IKBKB-DT: variants seen among roughly 807,000 people sequenced by gnomAD.
IKBKB-DT encodes IKBKB divergent transcript, also known as IKBKB antisense RNA.
chr8:42,238,492 G>A (rs147222461), intron 3 of IKBKB-DT, among the ~76,000 whole-genome samples: 17 of 152,218 alleles, frequency 1.1e-4, no homozygotes, highest in Non-Finnish European at 2.2e-4. Context: ...CACAAGATGA[G>A]GATGATGGGA....
intron 3 of IKBKB-DT, among the ~76,000 whole-genome samples, chr8:42,256,099 T>C (rs1032115081): frequency 6.6e-6 from 1 of 151,504 alleles, no homozygotes; most frequent in Non-Finnish European, 1.5e-5. Context: ...GAATAGCCAG[T>C]AAGAGTTTCT....
chr8:42,235,205 C>CTTTTTTTTTTTTT (rs746414963), intron 3 of IKBKB-DT, among the ~76,000 whole-genome samples: 3 of 99,412 alleles, frequency 3.0e-5, no homozygotes, highest in African/African-American at 8.0e-5. Flanking sequence ...CTTTTATTTT[C>CTTTTTTTTTTTTT]TTTTTTTTTT....
At chr8:42,248,883 A>AAC (rs1222906053) in intron 3 of IKBKB-DT, among the ~76,000 whole-genome samples, 1 of 152,024 alleles carries the variant, frequency 6.6e-6, no homozygotes, top group African/African-American at 2.4e-5. Context: ...AAAAAAAAAA[A>AAC]AAACAAATAT....
At chr8:42,245,004 C>T (rs1310326072) in intron 3 of IKBKB-DT, among the ~76,000 whole-genome samples, 1 of 151,926 alleles carries the variant, frequency 6.6e-6, no homozygotes, top group Non-Finnish European at 1.5e-5. Flanking sequence ...AATCCCAGCA[C>T]TTTGGGAGGC....
chr8:42,259,925 T>G (rs1279665991), intron 3 of IKBKB-DT, among the ~76,000 whole-genome samples: 2 of 143,606 alleles, frequency 1.4e-5, no homozygotes, highest in Non-Finnish European at 3.0e-5. Context: ...GAGGTTGCAG[T>G]GAGCTGAGAT....
chr8:42,250,208 A>G (rs1159269374), intron 3 of IKBKB-DT, among the ~76,000 whole-genome samples: 5 of 151,938 alleles, frequency 3.3e-5, no homozygotes, highest in Admixed American at 1.3e-4. Context: ...GTTGGTTGGT[A>G]ATGCAATCAC....
chr8:42,271,160 C>T (rs1585477858), exon 1 of IKBKB-DT: 1 of 586,062 alleles, frequency 1.7e-6, no homozygotes, highest in East Asian at 3.0e-5. Flanking sequence ...CCTCAGTTGT[C>T]TAGAGACCAC....
At chr8:42,268,460 G>C (rs1394755058) in intron 1 of IKBKB-DT, among the ~76,000 whole-genome samples, 1 of 151,754 alleles carries the variant, frequency 6.6e-6, no homozygotes, top group Non-Finnish European at 1.5e-5. Context: ...TAGTAGAGAC[G>C]GGGTTTCACT....
At chr8:42,263,922 C>T (rs960653786) in intron 2 of IKBKB-DT, among the ~76,000 whole-genome samples, 1 of 152,154 alleles carries the variant, frequency 6.6e-6, no homozygotes, top group Non-Finnish European at 1.5e-5. Flanking sequence ...AGCAATTCTC[C>T]TGCCTCAGCC....
intron 1 of IKBKB-DT, among the ~76,000 whole-genome samples, chr8:42,270,112 C>T (rs536099058): frequency 1.3e-5 from 2 of 152,056 alleles, no homozygotes; most frequent in African/African-American, 4.8e-5. Flanking sequence ...TAACATGCTA[C>T]TTTTAGCCAC....
At chr8:42,243,287 G>A (rs992334032) in intron 3 of IKBKB-DT, among the ~76,000 whole-genome samples, 1 of 152,202 alleles carries the variant, frequency 6.6e-6, no homozygotes, top group East Asian at 1.9e-4. Context: ...TTCTGCTCTG[G>A]AGCATCTAAG....
chr8:42,234,421 T>A (rs1806892129), intron 3 of IKBKB-DT, among the ~76,000 whole-genome samples: 1 of 152,218 alleles, frequency 6.6e-6, no homozygotes, highest in East Asian at 1.9e-4. Flanking sequence ...GAGTTCATTA[T>A]AATGTAATTG....
rs113469700 is a variant in IKBKB-DT, at chr8:42,239,614, TTA to T, written n.1530-5757_1530-5756del. On this transcript the variant is annotated intron_variant and non_coding_transcript_variant, in intron 3 of 3. Transcript: ENST00000518213. Reference sequence around the variant, plus strand: ...CCAACCAATTTTTGTAAAAGGCAATTTATATATATATATATATATATTTATTT... The same window carrying T: ...CCAACCAATTTTTGTAAAAGGCAATTTATATATATATATATATATTTATTT... Among the ~76,000 whole-genome samples the T allele has an allele frequency of 6.5e-4, 13 of 19,908 alleles. 2 individuals carry two copies. Among genetic ancestry groups the T allele is most frequent in the Middle Eastern group, 0.029 (1 of 34 alleles). 13.1% of individuals were successfully genotyped at this position (19,908 alleles called of 152,430 possible).
At position 42,250,381 on chromosome 8, in the gene IKBKB-DT, G is replaced by T. The variant is rs111862440; in HGVS notation, n.1529+12948C>A. Among the ~76,000 whole-genome samples the T allele has an allele frequency of 8.3e-3, 1,260 of 152,272 alleles. 10 individuals carry two copies. Among genetic ancestry groups the T allele is most frequent in the Non-Finnish European group, 0.013 (865 of 68,022 alleles). Reference sequence around the variant, plus strand: ...TGGTTCTATGTTAGTGATGTTATCTGCAGGGGTAATTGGGGGAAGTTGCAT... The same window carrying T: ...TGGTTCTATGTTAGTGATGTTATCTTCAGGGGTAATTGGGGGAAGTTGCAT... On this transcript the variant is annotated intron_variant and non_coding_transcript_variant, in intron 3 of 3. Transcript: ENST00000518213.
chr8:42,238,488 A>T (rs1198330037), intron 3 of IKBKB-DT, among the ~76,000 whole-genome samples: 2 of 152,180 alleles, frequency 1.3e-5, no homozygotes, highest in Non-Finnish European at 2.9e-5. Flanking sequence ...AGTCCACAAG[A>T]TGAGGATGAT....
intron 3 of IKBKB-DT, among the ~76,000 whole-genome samples, chr8:42,236,745 G>A (rs1397838986): frequency 6.6e-6 from 1 of 152,074 alleles, no homozygotes; most frequent in East Asian, 1.9e-4. Context: ...CAAAAAGAGT[G>A]AAACTCCATC....
At chr8:42,268,598 G>A (rs1175777404) in intron 1 of IKBKB-DT, among the ~76,000 whole-genome samples, 1 of 145,522 alleles carries the variant, frequency 6.9e-6, no homozygotes, top group Non-Finnish European at 1.5e-5. Context: ...ATGGAGTCTC[G>A]CTCTGTCGCC....
chr8:42,246,347 T>C (rs1370918823), intron 3 of IKBKB-DT, among the ~76,000 whole-genome samples: 2 of 151,770 alleles, frequency 1.3e-5, no homozygotes, highest in Admixed American at 6.6e-5. Flanking sequence ...TTTCAAGATA[T>C]AGTACTAAGT....
In IKBKB-DT at chr8:42,237,952, G is replaced by A. The variant is rs766554679; in HGVS notation, n.1530-4093C>T. Among the ~76,000 whole-genome samples, 3 of 147,180 alleles carry A rather than the reference G, an allele frequency of 2.0e-5. 1 individual carries two copies. Among genetic ancestry groups the A allele is most frequent in the Non-Finnish European group, 4.5e-5 (3 of 67,118 alleles). ...AGGTGGGAGGACCACTTGAGCCCAG[G>A]AGGTCAAGGTTGCAGTTAGCTGAGA... On this transcript the variant is annotated intron_variant and non_coding_transcript_variant, in intron 3 of 3. Coordinates refer to ENST00000518213, the Ensembl canonical transcript of IKBKB-DT.
Sources: gnomAD v4.1 joint callset for allele counts (sites outside exome capture counted in the v4.1 genomes callset) on GRCh38, gnomAD v4.1.1 for gene constraint, MANE v1.5 for transcripts, NCBI Gene and HGNC (gene_info 2026-07-23, HGNC 2026-07-21) for gene names.